The following HS6ST3 variants were observed in gnomAD, a reference collection of about 807,000 sequenced individuals.
HS6ST3 encodes the protein heparan-sulfate 6-O-sulfotransferase 3.
HS6ST3 carries 12 observed loss-of-function variants against 36.7 expected under a neutral mutation model. The ratio of observed to expected loss-of-function variants is 0.33; its 90% CI spans 0.21 to 0.53. The LOEUF (loss-of-function observed/expected upper bound fraction) is 0.53. HS6ST3 is among the 20% of genes least tolerant of loss of function. The probability of loss-of-function intolerance (pLI) is 0.95; values close to 1 mark genes in which losing one functional copy is unlikely to be tolerated. For synonymous variants in HS6ST3, 240 were observed against 257.5 expected (o/e 0.93, Z 0.65); for missense variants, 584 against 640.9 (o/e 0.91, Z 0.96).
At chr13:96,569,292 A>G (rs191090991) in intron 1 of HS6ST3, among the ~76,000 whole-genome samples, 4 of 152,290 alleles carry the variant, frequency 2.6e-5, no homozygotes, top group Non-Finnish European at 4.4e-5. Flanking sequence ...ACACCTTCAC[A>G]GGAAATGTGA....
intron 1 of HS6ST3, among the ~76,000 whole-genome samples, chr13:96,705,950 T>A (rs1275335049): frequency 6.6e-6 from 1 of 152,192 alleles, no homozygotes; most frequent in Non-Finnish European, 1.5e-5. Flanking sequence ...CTGGCTCTCA[T>A]CTTCTTTTCC....
At chr13:96,779,872 C>T (rs948661816) in intron 1 of HS6ST3, among the ~76,000 whole-genome samples, 1 of 151,794 alleles carries the variant, frequency 6.6e-6, no homozygotes, top group African/African-American at 2.4e-5. Context: ...AGTTGAGAGA[C>T]TGGAAAGAAG....
chr13:96,419,824 A>G (rs2055554242), intron 1 of HS6ST3, among the ~76,000 whole-genome samples: 1 of 152,084 alleles, frequency 6.6e-6, no homozygotes, highest in Non-Finnish European at 1.5e-5. Context: ...TTGTGTCCAC[A>G]TGGCATTTCC....
chr13:96,833,438 G>A lies in HS6ST3; in HGVS notation c.*240G>A. 2.3e-6 allele frequency: 1 copy of A among 433,674 alleles called. No individual in the cohort carries two copies. Among genetic ancestry groups the A allele is most frequent in the East Asian group, 3.6e-5 (1 of 27,560 alleles). 26.9% of individuals were successfully genotyped at this position (433,674 alleles called of 1,614,324 possible). A position where few individuals can be genotyped will look rare whatever the true frequency, so the allele number is the denominator to read the frequency against. ...TAGGGTAGGAGTGCATCCCATATAG[G>A]CCATTTTAGAAGGCCAAGGAGAGCC... On this transcript the variant is annotated 3_prime_UTR_variant, in exon 2 of 2. Transcript: ENST00000376705.
At chr13:96,250,778 G>T (rs1425270019) in intron 1 of HS6ST3, among the ~76,000 whole-genome samples, 2 of 152,136 alleles carry the variant, frequency 1.3e-5, no homozygotes, top group African/African-American at 4.8e-5. Context: ...ATAATTTGTT[G>T]AGAGTTTTTA....
At chr13:96,303,839 T>C (rs9556553) in intron 1 of HS6ST3, among the ~76,000 whole-genome samples, 8,253 of 152,246 alleles carry the variant, frequency 0.054, 282 homozygotes, top group East Asian at 0.12. Context: ...ACTAGGAAGA[T>C]TCAGCTTAAA....
intron 1 of HS6ST3, among the ~76,000 whole-genome samples, chr13:96,781,302 C>G (rs1413264082): frequency 1.3e-5 from 2 of 152,224 alleles, no homozygotes; most frequent in Non-Finnish European, 2.9e-5. Flanking sequence ...GAACACAGCC[C>G]TAAGCCAGGG....
chr13:96,118,054 T>C (rs1246413664), intron 1 of HS6ST3, among the ~76,000 whole-genome samples: 1 of 151,670 alleles, frequency 6.6e-6, no homozygotes, highest in Non-Finnish European at 1.5e-5. Flanking sequence ...ATTTTTTAAG[T>C]AGAGATGGGG....
chr13:96,366,162 A>G (rs2055261459), intron 1 of HS6ST3, among the ~76,000 whole-genome samples: 1 of 152,074 alleles, frequency 6.6e-6, no homozygotes, highest in Non-Finnish European at 1.5e-5. Flanking sequence ...AAAATTTTTC[A>G]TTTTCTTATA....
rs67305199 is a variant in HS6ST3 at position 96,464,138 on chromosome 13, C to CAAAAAAAAAAAAAAAAAAAAAAAAAAAA, written c.708-368329_708-368328insAAAAAAAAAAAAAAAAAAAAAAAAAAAA. Among the ~76,000 whole-genome samples the CAAAAAAAAAAAAAAAAAAAAAAAAAAAA allele has an allele frequency of 1.2e-3, 47 of 38,790 alleles. 9 individuals are homozygous for CAAAAAAAAAAAAAAAAAAAAAAAAAAAA. Among genetic ancestry groups the CAAAAAAAAAAAAAAAAAAAAAAAAAAAA allele is most frequent in the East Asian group, 2.6e-3 (3 of 1,176 alleles). 25.4% of individuals were successfully genotyped at this position (38,790 alleles called of 152,430 possible). On this transcript the variant is annotated intron_variant, in intron 1 of 1. Coordinates refer to ENST00000376705, the MANE Select transcript of HS6ST3 (RefSeq NM_153456.4). The stretch of plus-strand genomic sequence containing the variant: ...TCCTCAGGAAAGGACTGTCAGGCCT[C>CAAAAAAAAAAAAAAAAAAAAAAAAAAAA]AAAAAAAAAAAAAAAAAAAAAAATC...
At chr13:96,805,516 A>T (rs1441656390) in intron 1 of HS6ST3, among the ~76,000 whole-genome samples, 1 of 152,224 alleles carries the variant, frequency 6.6e-6, no homozygotes, top group Non-Finnish European at 1.5e-5. Flanking sequence ...TACAATGATG[A>T]TGACGACAAT....
At chr13:96,623,678 T>C (rs17767562) in intron 1 of HS6ST3, among the ~76,000 whole-genome samples, 49,174 of 151,938 alleles carry the variant, frequency 0.32, 9,173 homozygotes, top group Non-Finnish European at 0.43. Flanking sequence ...AACTAAATGA[T>C]TGGGAAAAGC....
chr13:96,786,475 C>T (rs1039238314), intron 1 of HS6ST3, among the ~76,000 whole-genome samples: 1 of 152,126 alleles, frequency 6.6e-6, no homozygotes, highest in East Asian at 1.9e-4. Context: ...ACACCTGGCA[C>T]GTGGTAGGTG....
chr13:96,663,018 A>C (rs2056651830), intron 1 of HS6ST3, among the ~76,000 whole-genome samples: 1 of 152,190 alleles, frequency 6.6e-6, no homozygotes, highest in Admixed American at 6.5e-5. Flanking sequence ...TGCTGCCCTA[A>C]GTTCCCTGTT....
intron 1 of HS6ST3, among the ~76,000 whole-genome samples, chr13:96,792,545 A>C (rs1378465862): frequency 6.6e-6 from 1 of 151,916 alleles, no homozygotes; most frequent in African/African-American, 2.4e-5. Flanking sequence ...TTCAGGCATT[A>C]ACCTAAAGGC....
intron 1 of HS6ST3, among the ~76,000 whole-genome samples, chr13:96,681,716 T>C (rs746828254): frequency 1.3e-5 from 2 of 152,044 alleles, no homozygotes; most frequent in Non-Finnish European, 2.9e-5. Flanking sequence ...CTCAACACAA[T>C]CTCTTCCATT....
intron 1 of HS6ST3, among the ~76,000 whole-genome samples, chr13:96,751,204 A>G (rs1449196531): frequency 3.3e-5 from 5 of 152,156 alleles, no homozygotes; most frequent in African/African-American, 1.2e-4. Context: ...CTATGACCTT[A>G]TTTGGAAATA....
chr13:96,759,601 A>G (rs1876917780), intron 1 of HS6ST3, among the ~76,000 whole-genome samples: 1 of 151,930 alleles, frequency 6.6e-6, no homozygotes, highest in East Asian at 1.9e-4. Context: ...GTTGTGATAT[A>G]TTTTAAATCT....
chr13:96,674,260 G>A (rs766938869), intron 1 of HS6ST3, among the ~76,000 whole-genome samples: 66 of 151,836 alleles, frequency 4.3e-4, no homozygotes, highest in African/African-American at 1.5e-3. Context: ...TTCACCTTCC[G>A]CCATGATTGT....
Sources: gnomAD v4.1 joint callset for allele counts (sites outside exome capture counted in the v4.1 genomes callset) on GRCh38, gnomAD v4.1.1 for gene constraint, MANE v1.5 for transcripts, NCBI Gene and HGNC (gene_info 2026-07-23, HGNC 2026-07-21) for gene names.